RFLNA: variants seen among roughly 807,000 people sequenced by gnomAD.
RFLNA encodes the protein refilin A.
Under a neutral mutation model 7.8 loss-of-function variants are expected in RFLNA, and 5 were observed. That is an observed-to-expected ratio of 0.64 (90% CI 0.34 to 1.35). The LOEUF (loss-of-function observed/expected upper bound fraction) is 1.35, where lower values mean the gene tolerates loss of function less well. RFLNA is among the 40% of genes most tolerant of loss of function. The pLI is 0.04. For missense variants in RFLNA, 278 were observed against 305.5 expected (o/e 0.91, Z 0.67); for synonymous variants, 141 against 131.3 (o/e 1.07, Z -0.50).
rs1007222512 is a variant in RFLNA at position 124,314,959 on chromosome 12, T to G, written c.*434T>G. 1.8e-5 allele frequency: 6 copies of G among 335,378 alleles called. No individual in the cohort carries two copies. Among genetic ancestry groups the G allele is most frequent in the Non-Finnish European group, 3.5e-5 (6 of 170,002 alleles). The allele number at this position is 335,378 out of a possible 1,614,324, so 20.8% of individuals were successfully genotyped here. ...CCCTGCCACCCCATGTGTCCTAGGC[T>G]GGTGGCCAAGGCCATGTGTGAGGGA... On this transcript the variant is annotated 3_prime_UTR_variant, in exon 3 of 3. Coordinates refer to ENST00000546355, the MANE Select transcript of RFLNA (RefSeq NM_001365156.1).
upstream of RFLNA, among the ~76,000 whole-genome samples, chr12:124,293,817 G>T (rs988176262): frequency 5.9e-5 from 9 of 152,168 alleles, no homozygotes; most frequent in Non-Finnish European, 1.0e-4. Flanking sequence ...CCTGCGCCCT[G>T]CTGTTCCCTC....
chr12:124,301,964 G>A (rs557837122), intron 1 of RFLNA, among the ~76,000 whole-genome samples: 119 of 152,256 alleles, frequency 7.8e-4, no homozygotes, highest in African/African-American at 2.4e-3. Flanking sequence ...GCGGGGGCAC[G>A]CTCCTCTGGA....
intron 1 of RFLNA, among the ~76,000 whole-genome samples, chr12:124,308,431 T>TG (rs141607639): frequency 0.068 from 10,371 of 151,964 alleles, 417 homozygotes; most frequent in Non-Finnish European, 0.089. Flanking sequence ...ACATGGGCTT[T>TG]GGGGGGGGAC....
At chr12:124,311,579 T>C in intron 1 of RFLNA, 1 of 410,470 alleles carries the variant, frequency 2.4e-6, no homozygotes, top group Non-Finnish European at 4.3e-6. Context: ...AACTGGGAGC[T>C]GGAGGACAGG....
At chr12:124,295,742 T>G in intron 1 of RFLNA, 106 bp downstream of exon 1, 2 of 1,104,078 alleles carry the variant, frequency 1.8e-6, no homozygotes, top group Non-Finnish European at 2.3e-6. Context: ...CCTCCTCCTC[T>G]ACCTGCCCCG....
chr12:124,298,190 G>A (rs1229399753), intron 1 of RFLNA, among the ~76,000 whole-genome samples: 2 of 152,140 alleles, frequency 1.3e-5, no homozygotes, highest in Non-Finnish European at 2.9e-5. Flanking sequence ...CTGCAGTCCC[G>A]CCCTCAAATC....
At position 124,306,806 on chromosome 12, in the gene RFLNA, G is replaced by A. The variant is rs529527020; in HGVS notation, c.208-5012G>A. On this transcript the variant is annotated intron_variant, in intron 1 of 2. Transcript: ENST00000546355. The surrounding 1 kb of genome is among the most constrained non-coding windows in gnomAD (Gnocchi z 5.2). ...TTGTCCAGGCAGGTATGGGGGCGGC[G>A]GGGAGGGGACAGATGTAGGAGATAT... 2.0e-5 allele frequency among the ~76,000 whole-genome samples: 3 copies of A among 152,128 alleles called. No homozygotes were observed. The highest frequency in any genetic ancestry group is 2.1e-4 in the South Asian group (1 of 4,836).
intron 2 of RFLNA, among the ~76,000 whole-genome samples, chr12:124,313,367 G>A (rs2034287514): frequency 6.6e-6 from 1 of 152,178 alleles, no homozygotes; most frequent in South Asian, 2.1e-4. Context: ...AACGTATTTT[G>A]ATATAATTTC....
At chr12:124,301,025 G>A (rs1291278513) in intron 1 of RFLNA, among the ~76,000 whole-genome samples, 1 of 152,214 alleles carries the variant, frequency 6.6e-6, no homozygotes, top group Non-Finnish European at 1.5e-5. Flanking sequence ...ATGGACTCAG[G>A]AAAACAGGGA....
chr12:124,301,001 A>C (rs2034027439), intron 1 of RFLNA, among the ~76,000 whole-genome samples: 1 of 152,190 alleles, frequency 6.6e-6, no homozygotes, highest in East Asian at 1.9e-4. Flanking sequence ...ATGGATGAAC[A>C]GATGGCTGAA....
At chr12:124,295,689 G>C in intron 1 of RFLNA, 53 bp downstream of exon 1, 2 of 1,229,600 alleles carry the variant, frequency 1.6e-6, no homozygotes, top group Non-Finnish European at 2.0e-6. Flanking sequence ...GGGTGGGTGA[G>C]GGCTGCCCCC....
At chr12:124,290,488 CAT>C (rs143947148), upstream of RFLNA, among the ~76,000 whole-genome samples, 7,416 of 151,846 alleles carry the variant, frequency 0.049, 263 homozygotes, top group South Asian at 0.11. The surrounding 1 kb of genome is among the most constrained non-coding windows in gnomAD (Gnocchi z 4.0). Flanking sequence ...TGTGTGTACA[CAT>C]GTGTATTGTG....
intron 1 of RFLNA, 21 bp from the exon 2 acceptor site, chr12:124,311,797 T>C (rs994084106): frequency 1.1e-5 from 17 of 1,550,494 alleles, no homozygotes; most frequent in Non-Finnish European, 1.4e-5. Flanking sequence ...CATAACCCCG[T>C]GTCCCTGGCT....
chr12:124,311,779 A>C (rs776296219), intron 1 of RFLNA, 39 bp from the exon 2 acceptor site: 7 of 1,495,906 alleles, frequency 4.7e-6, no homozygotes, highest in African/African-American at 1.4e-5. Context: ...CACTGCAACA[A>C]GGGGCTGCAT....
At chr12:124,293,641 G>T (rs1532605), upstream of RFLNA, among the ~76,000 whole-genome samples, 149,375 of 152,256 alleles carry the variant, frequency 0.98, 73,343 homozygotes, top group Middle Eastern at 1. Flanking sequence ...CTGGTTAGTT[G>T]GGTCTGTTTG....
chr12:124,313,937 G>A (rs1325074260), intron 2 of RFLNA, among the ~76,000 whole-genome samples: 1 of 152,144 alleles, frequency 6.6e-6, no homozygotes, highest in Admixed American at 6.5e-5. Context: ...TCCTTTCCTG[G>A]CTTACTTTTC....
chr12:124,304,919 G>C (rs1234341726), intron 1 of RFLNA, among the ~76,000 whole-genome samples: 1 of 152,242 alleles, frequency 6.6e-6, no homozygotes, highest in Non-Finnish European at 1.5e-5. Context: ...GCACACAGTA[G>C]GTGCTCAGCA....
At chr12:124,293,780 A>G (rs1362705934), upstream of RFLNA, among the ~76,000 whole-genome samples, 2 of 152,112 alleles carry the variant, frequency 1.3e-5, no homozygotes, top group Non-Finnish European at 2.9e-5. Flanking sequence ...AGTGTCCGGC[A>G]TGCACCTTAC....
Position 124,295,460 on chromosome 12 carries a change from G to A in RFLNA, c.31G>A (p.Glu11Lys). 7.9e-7 allele frequency: 1 copy of A among 1,264,542 alleles called. No individual in the cohort carries two copies. The highest frequency in any genetic ancestry group is 3.1e-5 in the South Asian group (1 of 32,770). The allele number at this position is 1,264,542 out of a possible 1,614,324, so 78.3% of individuals were successfully genotyped here. Residue 11 changes from glutamate (E) to lysine (K), a missense_variant, in exon 1 of 3, where the codon GAG becomes AAG. Transcript: ENST00000546355. MVGHLHLQGMEDSLKEQGREG... is the reference protein window; with the variant it reads MVGHLHLQGMKDSLKEQGREG... ...GGGCCACCTGCATCTGCAGGGCATG[G>A]AGGACAGCCTGAAGGAGCAGGGCCG...
Sources: gnomAD v4.1 joint callset for allele counts (sites outside exome capture counted in the v4.1 genomes callset) on GRCh38, gnomAD v4.1.1 for gene constraint, Gnocchi (gnomAD v3.1) non-coding constraint, MANE v1.5 for transcripts, NCBI Gene and HGNC (gene_info 2026-07-23, HGNC 2026-07-21) for gene names.